Variants in RSPH14 observed in about 807,000 individuals in gnomAD.
RSPH14 encodes rhabdoid tumor deletion region gene 1.
A neutral mutation model predicts 26.7 loss-of-function variants in RSPH14; 20 were observed. The ratio of observed to expected loss-of-function variants is 0.75; its 90% confidence interval spans 0.53 to 1.09. RSPH14 has a LOEUF of 1.09. Among genes scored for constraint, RSPH14 ranks in the 50% least tolerant of loss-of-function variants. The pLI is 0.00. For missense variants in RSPH14, 449 were observed against 457.2 expected, an observed-to-expected ratio of 0.98 and a Z score of 0.16; for synonymous variants, 177 against 189.3, an observed-to-expected ratio of 0.93 and a Z score of 0.53.
chr22:23,128,892 G>A (rs2070244753), intron 4 of RSPH14, among the ~76,000 whole-genome samples: 2 of 152,314 alleles, frequency 1.3e-5, no homozygotes, highest in South Asian at 2.1e-4. Context: ...GCCCTGCCAG[G>A]TGCAGAGGGT....
chr22:23,179,416 ATC>A, the RSPH14 span, among the ~76,000 whole-genome samples: 1 of 152,028 alleles, frequency 6.6e-6, no homozygotes, highest in African/African-American at 2.4e-5. Flanking sequence ...TGTGTCTCAG[ATC>A]TCTGTGTCCC....
intron 4 of RSPH14, among the ~76,000 whole-genome samples, chr22:23,087,005 C>T (rs1201814071): frequency 3.3e-5 from 5 of 152,288 alleles, no homozygotes; most frequent in African/African-American, 7.2e-5. Context: ...ATAAGTCGGG[C>T]GTAAAAGGGC....
chr22:23,120,866 A>G (rs11912218), intron 4 of RSPH14, among the ~76,000 whole-genome samples: 2,691 of 152,330 alleles, frequency 0.018, 75 homozygotes, highest in African/African-American at 0.061. Flanking sequence ...GTGTTTGCTC[A>G]GTAAATTAAT....
intron 4 of RSPH14, among the ~76,000 whole-genome samples, chr22:23,067,536 T>C (rs1320082039): frequency 6.6e-6 from 1 of 152,230 alleles, no homozygotes; most frequent in African/African-American, 2.4e-5. Flanking sequence ...CCTGAACTCC[T>C]GGCCCACTGG....
intron 1 of RSPH14, 51 bp downstream of exon 1, chr22:23,141,898 G>C: frequency 1.2e-6 from 1 of 837,614 alleles, no homozygotes; most frequent in Non-Finnish European, 1.4e-6. Flanking sequence ...GACTGGGTGG[G>C]TCACTGGGCC....
the RSPH14 span, among the ~76,000 whole-genome samples, chr22:23,178,025 T>C: frequency 6.6e-6 from 1 of 152,164 alleles, no homozygotes; most frequent in African/African-American, 2.4e-5. Flanking sequence ...GGTCTTGAAC[T>C]CCTGGGCTCA....
chr22:23,162,625 T>C, the RSPH14 span: 16 of 456,260 alleles, frequency 3.5e-5, no homozygotes, highest in South Asian at 2.0e-4. Flanking sequence ...CCCAGTATGC[T>C]CATCCACAGG....
the RSPH14 span, among the ~76,000 whole-genome samples, chr22:23,159,422 C>A: frequency 1.3e-5 from 2 of 152,234 alleles, no homozygotes; most frequent in African/African-American, 4.8e-5. Flanking sequence ...GCAGCACTTT[C>A]ATTGCCTAAG....
At chr22:23,127,146 TC>T (rs1368821147) in intron 4 of RSPH14, among the ~76,000 whole-genome samples, 2 of 152,146 alleles carry the variant, frequency 1.3e-5, no homozygotes, top group Admixed American at 6.5e-5. Flanking sequence ...ACTTCCAACG[TC>T]AGCCCTCCAG....
At chr22:23,150,071 G>A in the RSPH14 span, 9 of 1,608,452 alleles carry the variant, frequency 5.6e-6, no homozygotes, top group Admixed American at 1.7e-5. Flanking sequence ...AGTGGTACAC[G>A]CCGGAAGCCT....
chr22:23,084,117 G>A (rs147028458), intron 4 of RSPH14, among the ~76,000 whole-genome samples: 130 of 152,326 alleles, frequency 8.5e-4, no homozygotes, highest in African/African-American at 3.0e-3. Flanking sequence ...CCCATGTCCA[G>A]TGTCACTGGC....
chr22:23,118,763 A>G (rs2069926085), intron 4 of RSPH14, among the ~76,000 whole-genome samples: 1 of 152,182 alleles, frequency 6.6e-6, no homozygotes, highest in Non-Finnish European at 1.5e-5. Context: ...GCAGGGCCAC[A>G]TGACTCCAAA....
chr22:23,062,443 C>T (rs747710088), intron 5 of RSPH14, among the ~76,000 whole-genome samples: 3 of 152,156 alleles, frequency 2.0e-5, no homozygotes, highest in Non-Finnish European at 2.9e-5. Flanking sequence ...GATGAACTCC[C>T]CAAAAGTTTC....
At chr22:23,173,629 G>GTTTTTTT in the RSPH14 span, among the ~76,000 whole-genome samples, 25 of 85,514 alleles carry the variant, frequency 2.9e-4, no homozygotes, top group Admixed American at 3.7e-4. Flanking sequence ...TTGGTTTTTT[G>GTTTTTTT]TTTTTTGTTT....
At chr22:23,119,276 G>C (rs2069938805) in intron 4 of RSPH14, among the ~76,000 whole-genome samples, 1 of 152,230 alleles carries the variant, frequency 6.6e-6, no homozygotes, top group Admixed American at 6.5e-5. Context: ...GACAAGACTG[G>C]GCTTCTGGCC....
the RSPH14 span, among the ~76,000 whole-genome samples, chr22:23,157,262 T>G: frequency 1.3e-5 from 2 of 152,054 alleles, no homozygotes; most frequent in Admixed American, 1.3e-4. Flanking sequence ...AGGTTTTTTT[T>G]TTTTTTGAGC....
rs145917691 is a variant in RSPH14 at position 23,071,941 on chromosome 22, C to T, written c.422-7808G>A. Among the ~76,000 whole-genome samples, 1 of 152,056 alleles carries T rather than the reference C, an allele frequency of 6.6e-6. No individual in the cohort carries two copies. The highest frequency in any genetic ancestry group is 1.5e-5 in the Non-Finnish European group (1 of 67,972). ...GCGGGAAAGGCCGGTGGGGGCTGCA[C>T]GGGGCTGAGGGAGCTGGGAAGTGGA... On this transcript the variant is annotated intron_variant, in intron 4 of 6. Transcript: ENST00000216036. This position sits in a 1 kb window ranked among gnomAD's most constrained non-coding sequence, Gnocchi z 4.1.
the RSPH14 span, among the ~76,000 whole-genome samples, chr22:23,166,173 A>G: frequency 6.9e-6 from 1 of 145,620 alleles, no homozygotes; most frequent in Non-Finnish European, 1.5e-5. Context: ...AAAAAAAAAA[A>G]AAAAGGAGTG....
chr22:23,134,079 A>G lies in RSPH14; in HGVS notation c.368T>C (p.Val123Ala), dbSNP rs116303473. Reference sequence around the variant, plus strand: ...TGCCTTGTACAGGTTCCCCCGGCAGACTGGGCTGGGGTCATTCAGCAGGAA... The same window carrying G: ...TGCCTTGTACAGGTTCCCCCGGCAGGCTGGGCTGGGGTCATTCAGCAGGAA... The part of the protein sequence containing the change: ...LSFLLNDPSP[V>A]CRGNLYKAYM... Residue 123 changes from valine to alanine, a missense_variant, in exon 4 of 7, where the codon GTC becomes GCC. Val to Ala is a moderately conservative substitution (Grantham distance 64). Coordinates refer to ENST00000216036, the MANE Select transcript of RSPH14 (RefSeq NM_014433.3). 740 of 1,613,768 alleles carry G rather than the reference A, an allele frequency of 4.6e-4. 6 individuals are homozygous for G. The African/African-American group carries it at 9.2e-3, about 20-fold the overall frequency.
Sources: gnomAD v4.1 joint callset for allele counts (sites outside exome capture counted in the v4.1 genomes callset) on GRCh38, gnomAD v4.1.1 for gene constraint, Gnocchi (gnomAD v3.1) non-coding constraint, MANE v1.5 for transcripts, NCBI Gene and HGNC (gene_info 2026-07-23, HGNC 2026-07-21) for gene names.